GEMIN5: variants seen among roughly 807,000 people sequenced by gnomAD.
GEMIN5 encodes gem-associated protein 5.
GEMIN5 carries 124 observed loss-of-function variants against 176.9 expected under a neutral mutation model. The observed-to-expected ratio is 0.70, with a 90% CI of 0.61 to 0.81. The LOEUF (loss-of-function observed/expected upper bound fraction) is 0.81, where lower values mean the gene tolerates loss of function less well. Ranked by LOEUF, GEMIN5 falls within the 40% of genes least tolerant of loss-of-function variation. GEMIN5 has a pLI of 0.00. For missense variants in GEMIN5, 1,843 were observed against 1,814.6 expected (o/e 1.02, Z -0.28); for synonymous variants, 673 against 665.2 (o/e 1.01, Z -0.18).
chr5:154,903,110 C>G lies in GEMIN5; in HGVS notation c.2698G>C (p.Ala900Pro), dbSNP rs773518270. 2 of 1,608,530 alleles carry G rather than the reference C, an allele frequency of 1.2e-6. No homozygotes were observed. Among genetic ancestry groups the G allele is most frequent in the South Asian group, 1.1e-5 (1 of 90,996 alleles). The change falls in exon 19 of 28, where the codon GCT (alanine) becomes CCT (proline). Residue 900 changes from alanine (A) to proline (P), a missense_variant. Ala to Pro is a conservative substitution (Grantham distance 27). Transcript: ENST00000285873. ...ATATCAATCATTCTATACAGGGTAG[C>G]CCTGTCTGTGAAAAGCCCCAGATGA... is the stretch of plus-strand genomic sequence containing the variant. ...RFHLGLFTDR[A>P]TLYRMIDIEG... is the part of the protein sequence containing the mutation.
chr5:154,912,892 A>G lies in GEMIN5; in HGVS notation c.1995+7T>C. On this transcript the variant is annotated splice_region_variant and intron_variant, in intron 14 of 27. Coordinates refer to ENST00000285873, the MANE Select transcript of GEMIN5 (RefSeq NM_015465.5). The stretch of plus-strand genomic sequence containing the variant: ...AAGGACCCACAGGGACAAGGACACA[A>G]TAGTACCTGGGCTGTACCATCATAG... 1 of 1,611,920 alleles carries G rather than the reference A, an allele frequency of 6.2e-7. No individual in the cohort carries two copies. Among genetic ancestry groups the G allele is most frequent in the Non-Finnish European group, 8.5e-7 (1 of 1,178,760 alleles).
chr5:154,920,102 T>G lies in GEMIN5; in HGVS notation c.1464A>C (p.Gly488=), dbSNP rs1405928864. 1 of 1,606,912 alleles carries G rather than the reference T, an allele frequency of 6.2e-7. No individual in the cohort carries two copies. Among genetic ancestry groups the G allele is most frequent in the Non-Finnish European group, 8.5e-7 (1 of 1,177,506 alleles). ...CAAGGGAAGGTCTGTCTCCTTCTCC[T>G]CCTGTATGAAATAAGAAAAGAAACT... ...WGPPVPPMSL[G]GEGDRPSLAL... The change falls in exon 11 of 28, where the codon GGA becomes GGC. Residue 488 remains glycine, a splice_region_variant and synonymous_variant. Coordinates refer to ENST00000285873, the MANE Select transcript of GEMIN5 (RefSeq NM_015465.5).
At chr5:154,905,087 G>A (rs1197938340) in intron 17 of GEMIN5, among the ~76,000 whole-genome samples, 4 of 152,092 alleles carry the variant, frequency 2.6e-5, no homozygotes, top group South Asian at 2.1e-4. Flanking sequence ...CCAGCTACTC[G>A]GGAGGCTGAG....
In GEMIN5 at chr5:154,924,552, C is replaced by T; in HGVS notation, c.1296G>A (p.Leu432=). ...WQGVKSKVTA[L]CWHPTKEGCL... The stretch of plus-strand genomic sequence containing the variant: ...AACCTTCCTTGGTTGGGTGCCAGCA[C>T]AGCTACAAAAAAAAGAGTTTCCAAG... The change falls in exon 9 of 28, where the codon CTG becomes CTA. Residue 432 remains leucine, a splice_region_variant and synonymous_variant. Transcript: ENST00000285873. 3 of 1,602,584 alleles carry T rather than the reference C, an allele frequency of 1.9e-6. No homozygotes were observed. Among genetic ancestry groups the T allele is most frequent in the Non-Finnish European group, 2.6e-6 (3 of 1,171,368 alleles).
intron 11 of GEMIN5, among the ~76,000 whole-genome samples, 191 bp from the exon 12 acceptor site, chr5:154,918,195 C>CA (rs1183844481): frequency 1.9e-4 from 29 of 151,758 alleles, no homozygotes; most frequent in Admixed American, 1.4e-3. Flanking sequence ...CTAACTGGGC[C>CA]AAAAAAACAA....
intron 7 of GEMIN5, 151 bp from the exon 8 acceptor site, chr5:154,926,225 A>G (rs1356128638): frequency 4.0e-5 from 24 of 598,168 alleles, no homozygotes; most frequent in Non-Finnish European, 6.7e-5. Flanking sequence ...CTAAGAAAAA[A>G]AAAATAGTAA....
chr5:154,932,324 G>C, intron 3 of GEMIN5, 74 bp from the exon 4 acceptor site: 1 of 1,093,502 alleles, frequency 9.1e-7, no homozygotes, highest in Non-Finnish European at 1.3e-6. Flanking sequence ...ATTTTGGCTT[G>C]GAGTTACCAT....
chr5:154,896,379 C>T (rs758126322), intron 23 of GEMIN5, 36 bp from the exon 24 acceptor site: 5 of 1,528,562 alleles, frequency 3.3e-6, no homozygotes, highest in Admixed American at 2.2e-5. Flanking sequence ...AACTGTTATA[C>T]AGGGAAAGCA....
chr5:154,914,303 G>A (rs193235026), intron 13 of GEMIN5, among the ~76,000 whole-genome samples: 1,605 of 152,266 alleles, frequency 0.011, 15 homozygotes, highest in Middle Eastern at 0.027. Context: ...TTATAGGCGT[G>A]AGCCACCACG....
intron 24 of GEMIN5, among the ~76,000 whole-genome samples, chr5:154,893,216 G>A (rs1424557173): frequency 2.0e-5 from 3 of 147,810 alleles, no homozygotes; most frequent in Non-Finnish European, 3.0e-5. Context: ...ACTTTGGGAG[G>A]CTGAGGCGGG....
chr5:154,928,110 A>G (rs1432642355), intron 6 of GEMIN5, among the ~76,000 whole-genome samples: 2 of 152,218 alleles, frequency 1.3e-5, no homozygotes, highest in East Asian at 3.8e-4. Context: ...ACTACCCTTT[A>G]AACAGATTTA....
Position 154,927,444 on chromosome 5 carries a change from A to G in GEMIN5, c.1021T>C (p.Cys341Arg). The G allele has an allele frequency of 6.3e-7, 1 of 1,598,412 alleles. No homozygotes were observed. Among genetic ancestry groups the G allele is most frequent in the Non-Finnish European group, 8.6e-7 (1 of 1,165,518 alleles). Residue 341 changes from cysteine (C) to arginine (R), a missense_variant, in exon 7 of 28, where the codon TGT becomes CGT. Transcript: ENST00000285873. ...TTGTCATCCTCTGTTTGTAAAGGAC[A>G]TAAATTAAACACAATTCTTGAATGA... Reference protein sequence around the residue: ...QNHSRIVFNLCPLQTEDDKQL... With the variant: ...QNHSRIVFNLRPLQTEDDKQL...
At position 154,907,731 on chromosome 5, in the gene GEMIN5, G is replaced by A; in HGVS notation, c.2255C>T (p.Pro752Leu). 3 of 1,614,114 alleles carry A rather than the reference G, an allele frequency of 1.9e-6. No individual in the cohort carries two copies. The highest frequency in any genetic ancestry group is 2.5e-6 in the Non-Finnish European group (3 of 1,180,002). ...KKKKKPTLRT[P>L]VKLESIDGNE... The stretch of plus-strand genomic sequence containing the variant: ...TCCATCAATCGATTCCAGCTTTACA[G>A]GAGTTCTCAAGGTGGGCTTTTTCTT... Residue 752 changes from proline to leucine, a missense_variant, in exon 16 of 28, where the codon CCT (proline) becomes CTT (leucine). Transcript: ENST00000285873.
At chr5:154,932,870 T>C (rs541603483) in intron 3 of GEMIN5, among the ~76,000 whole-genome samples, 1 of 152,320 alleles carries the variant, frequency 6.6e-6, no homozygotes, top group East Asian at 1.9e-4. Context: ...CGGCCAACTC[T>C]TCTAACTAGA....
At chr5:154,910,843 C>A (rs1763685554) in intron 15 of GEMIN5, among the ~76,000 whole-genome samples, 1 of 152,152 alleles carries the variant, frequency 6.6e-6, no homozygotes, top group African/African-American at 2.4e-5. Flanking sequence ...GGACTACAGG[C>A]ACCCGCCAAC....
rs1763730977 is a variant in GEMIN5 at position 154,912,845 on chromosome 5, G to T, written c.1995+54C>A. On this transcript the variant is annotated intron_variant, in intron 14 of 27. Transcript: ENST00000285873. Reference sequence around the variant, plus strand: ...TTCACAACTGGGGGAAAAGAAGAAAGAATTTGTTAGAGTACACAGTGAAGG... The same window carrying T: ...TTCACAACTGGGGGAAAAGAAGAAATAATTTGTTAGAGTACACAGTGAAGG... 3 of 1,468,992 alleles carry T rather than the reference G, an allele frequency of 2.0e-6. No individual in the cohort carries two copies. In the African/African-American group the frequency reaches 4.2e-5, roughly 21 times the overall value. 91.0% of individuals were successfully genotyped at this position (1,468,992 alleles called of 1,614,324 possible). A position where few individuals can be genotyped will look rare whatever the true frequency, so the allele number is the denominator to read the frequency against.
In GEMIN5 at chr5:154,927,510, G is replaced by C. The variant is rs35522740; in HGVS notation, c.955C>G (p.Arg319Gly). 0.02 allele frequency: 32,493 copies of C among 1,609,444 alleles called. 517 individuals are homozygous for C. Among genetic ancestry groups the C allele is most frequent in the Middle Eastern group, 0.075 (454 of 6,048 alleles). The change falls in exon 7 of 28, where the codon CGG becomes GGG. Residue 319 changes from arginine (R) to glycine (G), a missense_variant. Transcript: ENST00000285873. ...GAGGCACTGAAGAGGGTGTATTTCC[G>C]TCTCCAAGATTGAGTGAGATCCCAT... ...LQWDLTQSWR[R>G]KYTLFSASSE...
chr5:154,894,737 C>T (rs1397115898), intron 24 of GEMIN5, among the ~76,000 whole-genome samples: 1 of 152,118 alleles, frequency 6.6e-6, no homozygotes, highest in African/African-American at 2.4e-5. Context: ...AAACCCCTGT[C>T]TCTACTAAAA....
intron 13 of GEMIN5, among the ~76,000 whole-genome samples, chr5:154,913,965 C>T (rs1018085083): frequency 6.6e-6 from 1 of 152,150 alleles, no homozygotes; most frequent in African/African-American, 2.4e-5. Context: ...TGCACCACTA[C>T]ACTCCACCCT....
Sources: gnomAD v4.1 joint callset for allele counts (sites outside exome capture counted in the v4.1 genomes callset) on GRCh38, gnomAD v4.1.1 for gene constraint, MANE v1.5 for transcripts, NCBI Gene and HGNC (gene_info 2026-07-23, HGNC 2026-07-21) for gene names.